Variants in MEF2A observed in about 807,000 individuals in gnomAD.
MEF2A encodes the protein myocyte-specific enhancer factor 2A.
In MEF2A, 28 loss-of-function variants were observed where a neutral mutation model predicts 55.8. The ratio of observed to expected loss-of-function variants is 0.50; its 90% confidence interval spans 0.37 to 0.69. The LOEUF is 0.69. Among genes scored for constraint, MEF2A ranks in the 30% least tolerant of loss-of-function variants. MEF2A has a pLI of 0.00. For missense variants in MEF2A, 528 were observed against 626.2 expected (o/e 0.84, Z 1.67); for synonymous variants, 239 against 227.1 (o/e 1.05, Z -0.47).
chr15:99,702,415 G>T (rs899576482), intron 8 of MEF2A, among the ~76,000 whole-genome samples: 2 of 149,268 alleles, frequency 1.3e-5, no homozygotes, highest in African/African-American at 4.9e-5. Flanking sequence ...TGGAGAAAAG[G>T]AGCAAAAATG....
chr15:99,646,019 ATTAC>A (rs2045908300), intron 4 of MEF2A, among the ~76,000 whole-genome samples: 1 of 152,168 alleles, frequency 6.6e-6, no homozygotes, highest in Admixed American at 6.5e-5. Context: ...TTCATCTATG[ATTAC>A]TTATTTTGTA....
chr15:99,667,159 A>G (rs771678933), intron 4 of MEF2A, among the ~76,000 whole-genome samples: 29 of 152,224 alleles, frequency 1.9e-4, no homozygotes, highest in Middle Eastern at 6.8e-3. Context: ...GAAATCAGTG[A>G]GTTGGGTGGT....
At position 99,712,427 on chromosome 15, in the gene MEF2A, A is replaced by C; in HGVS notation, c.1174A>C (p.Ile392Leu). The change falls in exon 12 of 12, where the codon ATT (isoleucine) becomes CTT (leucine). Residue 392 changes from isoleucine to leucine, a missense_variant. By Grantham distance (5) the Ile-to-Leu change is conservative. Coordinates refer to ENST00000557942, the MANE Select transcript of MEF2A (RefSeq NM_001319206.4). This position sits in a 1 kb window ranked among gnomAD's most constrained non-coding sequence, Gnocchi z 4.1. The part of the protein sequence containing the change: ...GQLSQGSNLS[I>L]NTNQNISIKS... The stretch of plus-strand genomic sequence containing the variant: ...GTTATCTCAGGGTTCCAATTTATCC[A>C]TTAATACCAACCAAAACATCAGCAT... The C allele has an allele frequency of 6.5e-7, 1 of 1,548,912 alleles. No individual in the cohort carries two copies. Among genetic ancestry groups the C allele is most frequent in the Non-Finnish European group, 8.7e-7 (1 of 1,144,710 alleles).
At chr15:99,639,282 A>G (rs867965623) in intron 3 of MEF2A, among the ~76,000 whole-genome samples, 12 of 152,196 alleles carry the variant, frequency 7.9e-5, no homozygotes, top group Middle Eastern at 6.8e-3. Flanking sequence ...AACCACTATC[A>G]TGAATTTACA....
At chr15:99,619,800 T>G (rs939731097) in intron 2 of MEF2A, among the ~76,000 whole-genome samples, 1 of 152,234 alleles carries the variant, frequency 6.6e-6, no homozygotes, top group Non-Finnish European at 1.5e-5. Context: ...AAAAAGTCAC[T>G]TTTACTTAGA....
intron 4 of MEF2A, among the ~76,000 whole-genome samples, chr15:99,662,814 A>G (rs1596939658): frequency 2.0e-5 from 3 of 152,304 alleles, no homozygotes; most frequent in Middle Eastern, 3.4e-3. Flanking sequence ...GCACTTGCTT[A>G]TACTTATGCT....
intron 3 of MEF2A, among the ~76,000 whole-genome samples, chr15:99,641,490 G>A (rs890583885): frequency 6.6e-6 from 1 of 152,156 alleles, no homozygotes; most frequent in South Asian, 2.1e-4. Flanking sequence ...TTGGGAGGCC[G>A]AGGCGGGCGG....
At chr15:99,691,057 T>TG (rs1364806864) in intron 8 of MEF2A, among the ~76,000 whole-genome samples, 1 of 151,482 alleles carries the variant, frequency 6.6e-6, no homozygotes, top group African/African-American at 2.4e-5. Context: ...ATGTAACAAA[T>TG]ATTCACATGT....
chr15:99,578,072 A>G (rs114562111), intron 1 of MEF2A, among the ~76,000 whole-genome samples: 1 of 152,140 alleles, frequency 6.6e-6, no homozygotes, highest in Non-Finnish European at 1.5e-5. Flanking sequence ...TGGGGGAGAT[A>G]CTTTGAGATT....
chr15:99,612,114 C>T (rs975567594), intron 2 of MEF2A, among the ~76,000 whole-genome samples: 2 of 151,918 alleles, frequency 1.3e-5, no homozygotes, highest in African/African-American at 2.4e-5. Flanking sequence ...TTTGTGAATA[C>T]GATTTTTAGA....
chr15:99,615,369 TAC>T (rs1177424025), intron 2 of MEF2A, among the ~76,000 whole-genome samples: 1 of 152,186 alleles, frequency 6.6e-6, no homozygotes, highest in African/African-American at 2.4e-5. Flanking sequence ...CTCATTATTT[TAC>T]AGTTTTTAAT....
intron 6 of MEF2A, 30 bp downstream of exon 6, chr15:99,674,642 T>A: frequency 6.4e-7 from 1 of 1,556,020 alleles, no homozygotes; most frequent in Non-Finnish European, 8.8e-7. Flanking sequence ...ATGCTGGTTC[T>A]TTAATAAAGA....
At chr15:99,619,958 G>A (rs1462330389) in intron 2 of MEF2A, among the ~76,000 whole-genome samples, 1 of 152,170 alleles carries the variant, frequency 6.6e-6, no homozygotes, top group Non-Finnish European at 1.5e-5. Flanking sequence ...TAAAGTAGAA[G>A]CAACATTTCA....
intron 1 of MEF2A, among the ~76,000 whole-genome samples, chr15:99,573,901 C>A (rs919721297): frequency 6.6e-6 from 1 of 152,010 alleles, no homozygotes; most frequent in African/African-American, 2.4e-5. Context: ...ATACTGAAAA[C>A]CTTTTTATTA....
intron 4 of MEF2A, among the ~76,000 whole-genome samples, chr15:99,651,177 G>C (rs2046792737): frequency 6.6e-6 from 1 of 152,192 alleles, no homozygotes; most frequent in African/African-American, 2.4e-5. Context: ...AAGAGCTTGT[G>C]TGAGTGTGGT....
At chr15:99,705,796 G>A (rs931269214) in intron 9 of MEF2A, among the ~76,000 whole-genome samples, 2 of 152,244 alleles carry the variant, frequency 1.3e-5, no homozygotes, top group East Asian at 3.9e-4. Flanking sequence ...TCAGACCCCC[G>A]AATGTCAGTT....
At position 99,671,317 on chromosome 15, in the gene MEF2A, T is replaced by A; in HGVS notation, c.259-6T>A. On this transcript the variant is annotated splice_polypyrimidine_tract_variant and splice_region_variant and intron_variant, in intron 4 of 11. Coordinates refer to ENST00000557942, the MANE Select transcript of MEF2A (RefSeq NM_001319206.4). The stretch of plus-strand genomic sequence containing the variant: ...TTTGTGTGTGAATTTTCCAATTGTA[T>A]TTCAGACTTTAAGAAAGAAAGGCCT... The A allele has an allele frequency of 1.3e-6, 2 of 1,594,838 alleles. No individual in the cohort carries two copies. Among genetic ancestry groups the A allele is most frequent in the Non-Finnish European group, 1.7e-6 (2 of 1,168,522 alleles).
intron 7 of MEF2A, among the ~76,000 whole-genome samples, chr15:99,682,585 C>T (rs973058104): frequency 6.6e-6 from 1 of 152,114 alleles, no homozygotes; most frequent in Non-Finnish European, 1.5e-5. Context: ...AATAACAAGT[C>T]GTGCATAGGA....
chr15:99,647,421 A>G (rs2046139833), intron 4 of MEF2A, among the ~76,000 whole-genome samples: 1 of 152,212 alleles, frequency 6.6e-6, no homozygotes, highest in Admixed American at 6.5e-5. Flanking sequence ...TATAGAGGCA[A>G]CCACCTCCTT....
Sources: gnomAD v4.1 joint callset for allele counts (sites outside exome capture counted in the v4.1 genomes callset) on GRCh38, gnomAD v4.1.1 for gene constraint, Gnocchi (gnomAD v3.1) non-coding constraint, MANE v1.5 for transcripts, NCBI Gene and HGNC (gene_info 2026-07-23, HGNC 2026-07-21) for gene names.